Variants in OLFM4 observed in about 807,000 individuals in gnomAD.
The protein encoded by OLFM4 is olfactomedin 4, also known as olfactomedin-4.
Under a neutral mutation model 25.5 loss-of-function variants are expected in OLFM4, and 22 were observed. The observed-to-expected ratio is 0.86, with a 90% confidence interval of 0.62 to 1.23. The LOEUF is 1.23. Ranked by LOEUF, OLFM4 falls within the 50% of genes most tolerant of loss-of-function variation. The pLI is 0.00. For synonymous variants in OLFM4, 255 were observed against 237.7 expected (o/e 1.07, Z -0.67); for missense variants, 594 against 619.4 (o/e 0.96, Z 0.44).
chr13:53,043,144 C>T lies in OLFM4; in HGVS notation c.610C>T (p.Leu204=). The T allele has an allele frequency of 4.3e-6, 7 of 1,612,108 alleles. No homozygotes were observed. Among genetic ancestry groups the T allele is most frequent in the Non-Finnish European group, 5.9e-6 (7 of 1,179,192 alleles). The change falls in exon 4 of 5, where the codon CTA becomes TTA. Residue 204 remains leucine (L), a synonymous_variant. Coordinates refer to ENST00000219022, the MANE Select transcript of OLFM4 (RefSeq NM_006418.5). The part of the protein sequence containing the change: ...MTLLVEKLET[L]DKNNVLAIRR... ...TCTCTTGGTAGAGAAGCTTGAGACACTAGACAAAAACAATGTCCTTGCCAT... is the reference window on the plus strand; with the variant it reads ...TCTCTTGGTAGAGAAGCTTGAGACATTAGACAAAAACAATGTCCTTGCCAT...
chr13:53,033,477 AG>A (rs1954639518), intron 1 of OLFM4, among the ~76,000 whole-genome samples: 1 of 152,188 alleles, frequency 6.6e-6, no homozygotes, highest in Admixed American at 6.5e-5. Context: ...TCTGATGAAA[AG>A]GAATTGGATT....
In OLFM4 at chr13:53,029,137, C is replaced by T. The variant is rs1954614726; in HGVS notation, c.204+97C>T. On this transcript the variant is annotated intron_variant, in intron 1 of 4. Coordinates refer to ENST00000219022, the MANE Select transcript of OLFM4 (RefSeq NM_006418.5). ...TTTCATGGATGGCTAGACCTGGGCA[C>T]TCTAAAAGATTTACGACTCATTTTG... is the stretch of plus-strand genomic sequence containing the variant. 4 of 1,527,252 alleles carry T rather than the reference C, an allele frequency of 2.6e-6. No individual in the cohort carries two copies. In the South Asian group the frequency reaches 4.9e-5, roughly 19 times the overall value. 94.6% of individuals were successfully genotyped at this position (1,527,252 alleles called of 1,614,324 possible).
chr13:53,032,037 G>A (rs1593476955), intron 1 of OLFM4, among the ~76,000 whole-genome samples: 1 of 152,244 alleles, frequency 6.6e-6, no homozygotes, highest in African/African-American at 2.4e-5. Context: ...CCATTTTGAT[G>A]TCAGCTGAGC....
intron 2 of OLFM4, among the ~76,000 whole-genome samples, chr13:53,037,005 C>T (rs1247265580): frequency 6.6e-6 from 1 of 152,198 alleles, no homozygotes; most frequent in African/African-American, 2.4e-5. Flanking sequence ...GCCTTCAAAT[C>T]CAAAGTTATC....
In OLFM4 at chr13:53,043,122, C is replaced by G. The variant is rs1421622927; in HGVS notation, c.588C>G (p.Leu196=). The part of the protein sequence containing the change: ...QLEVEIRNMT[L]LVEKLETLDK... ...TTCCTTAGATAAGAAATATGACTCTCTTGGTAGAGAAGCTTGAGACACTAG... is the reference window on the plus strand; with the variant it reads ...TTCCTTAGATAAGAAATATGACTCTGTTGGTAGAGAAGCTTGAGACACTAG... Residue 196 remains leucine, a synonymous_variant, in exon 4 of 5, where the codon CTC becomes CTG. Coordinates refer to ENST00000219022, the MANE Select transcript of OLFM4 (RefSeq NM_006418.5). The G allele has an allele frequency of 6.2e-7, 1 of 1,604,724 alleles. No individual in the cohort carries two copies. The highest frequency in any genetic ancestry group is 8.5e-7 in the Non-Finnish European group (1 of 1,177,040).
At chr13:53,036,244 T>G (rs1346464165) in intron 2 of OLFM4, among the ~76,000 whole-genome samples, 1 of 152,236 alleles carries the variant, frequency 6.6e-6, no homozygotes, top group Non-Finnish European at 1.5e-5. Context: ...GGCACAGCAT[T>G]AAATTATAAA....
At chr13:53,042,392 T>C (rs1954692562) in intron 3 of OLFM4, among the ~76,000 whole-genome samples, 1 of 152,186 alleles carries the variant, frequency 6.6e-6, no homozygotes, top group African/African-American at 2.4e-5. Flanking sequence ...TCAACTTCTC[T>C]GAAAAGGAGC....
At chr13:53,043,362 A>C in intron 4 of OLFM4, 98 bp downstream of exon 4, 10 of 742,438 alleles carry the variant, frequency 1.3e-5, no homozygotes, top group Non-Finnish European at 1.9e-5. Flanking sequence ...TGAAAGAAGA[A>C]GGTGGGTTGT....
chr13:53,038,570 G>T (rs1954671548), intron 2 of OLFM4, among the ~76,000 whole-genome samples: 1 of 152,122 alleles, frequency 6.6e-6, no homozygotes, highest in Admixed American at 6.5e-5. Context: ...GTAAAAATAT[G>T]ATATTTATAA....
rs1182295256 is a variant in OLFM4, at chr13:53,049,994, G to A, written c.756G>A (p.Val252=). Residue 252 remains valine, a synonymous_variant, in exon 5 of 5, where the codon GTG becomes GTA. Coordinates refer to ENST00000219022, the MANE Select transcript of OLFM4 (RefSeq NM_006418.5). ...TPGSCGHGGV[V]NISKPSVVQL... is the part of the protein sequence containing the mutation. ...GGAGCTGTGGTCATGGTGGTGTGGT[G>A]AACATCAGCAAACCGTCTGTGGTTC... 5.0e-6 allele frequency: 8 copies of A among 1,609,388 alleles called. No homozygotes were observed. The highest frequency in any genetic ancestry group is 6.8e-6 in the Non-Finnish European group (8 of 1,176,188).
At chr13:53,034,244 T>G in intron 1 of OLFM4, 104 bp from the exon 2 acceptor site, 4 of 1,074,744 alleles carry the variant, frequency 3.7e-6, no homozygotes, top group Non-Finnish European at 5.5e-6. Context: ...TGGACTCCAC[T>G]TACTTGCCTG....
chr13:53,033,768 G>C (rs1481708603), intron 1 of OLFM4, among the ~76,000 whole-genome samples: 2 of 152,010 alleles, frequency 1.3e-5, no homozygotes, highest in Non-Finnish European at 2.9e-5. Context: ...TCTCCTTTAA[G>C]ACTCCAGAAT....
chr13:53,029,179 C>T (rs900459878), intron 1 of OLFM4, 139 bp downstream of exon 1: 95 of 1,257,206 alleles, frequency 7.6e-5, no homozygotes, highest in Middle Eastern at 5.7e-4. Flanking sequence ...ATAGGTGCCC[C>T]GGAAATGAAT....
At chr13:53,045,020 C>A (rs191819264) in intron 4 of OLFM4, among the ~76,000 whole-genome samples, 1 of 152,166 alleles carries the variant, frequency 6.6e-6, no homozygotes, top group Non-Finnish European at 1.5e-5. Flanking sequence ...GAGGAGAAGA[C>A]GTGGATGGTA....
At chr13:53,044,446 A>G (rs1166712800) in intron 4 of OLFM4, among the ~76,000 whole-genome samples, 1 of 152,284 alleles carries the variant, frequency 6.6e-6, no homozygotes, top group African/African-American at 2.4e-5. Flanking sequence ...GCTTTCTTTT[A>G]GACTGTGTTT....
At chr13:53,033,568 G>T (rs1954640037) in intron 1 of OLFM4, among the ~76,000 whole-genome samples, 1 of 152,210 alleles carries the variant, frequency 6.6e-6, no homozygotes, top group African/African-American at 2.4e-5. Flanking sequence ...CCTACTCTGT[G>T]CCAGGGACTT....
In OLFM4 at chr13:53,042,066, C is replaced by A; in HGVS notation, c.514C>A (p.Gln172Lys). 1 of 1,614,026 alleles carries A rather than the reference C, an allele frequency of 6.2e-7. No individual in the cohort carries two copies. The stretch of plus-strand genomic sequence containing the variant: ...GAAGGAGATGGAAAAACTGGTCATA[C>A]AGCTGAAGGAGAGTTTTGGTGGAAG... ...EVKEMEKLVI[Q>K]LKESFGGSSE... The change falls in exon 3 of 5, where the codon CAG (glutamine) becomes AAG (lysine). Residue 172 changes from glutamine to lysine, a missense_variant. Gln to Lys is a moderately conservative substitution (Grantham distance 53). Coordinates refer to ENST00000219022, the MANE Select transcript of OLFM4 (RefSeq NM_006418.5).
At chr13:53,049,827 C>T in intron 4 of OLFM4, 142 bp from the exon 5 acceptor site, 1 of 822,514 alleles carries the variant, frequency 1.2e-6, no homozygotes, top group Admixed American at 2.9e-5. Context: ...AGGTTTGGCT[C>T]TTCTCCATCA....
In OLFM4 at chr13:53,050,268, A is replaced by G; in HGVS notation, c.1030A>G (p.Asn344Asp). 6.2e-7 allele frequency: 1 copy of G among 1,614,098 alleles called. No individual in the cohort carries two copies. Among genetic ancestry groups the G allele is most frequent in the Non-Finnish European group, 8.5e-7 (1 of 1,179,964 alleles). The change falls in exon 5 of 5, where the codon AAC becomes GAC. Residue 344 changes from asparagine to aspartate, a missense_variant. Transcript: ENST00000219022. ...YNNNMYVNMY[N>D]TGNIARVNLT... is the part of the protein sequence containing the mutation. ...CAACAACATGTACGTCAACATGTACAACACCGGGAATATTGCCAGAGTTAA... is the reference window on the plus strand; with the variant it reads ...CAACAACATGTACGTCAACATGTACGACACCGGGAATATTGCCAGAGTTAA...
Sources: allele counts gnomAD v4.1 joint callset (sites outside exome capture counted in the v4.1 genomes callset), GRCh38; gene constraint gnomAD v4.1.1; transcripts MANE v1.5; gene names NCBI Gene and HGNC (gene_info 2026-07-23, HGNC 2026-07-21).